NRXN3: variants seen among roughly 807,000 people sequenced by gnomAD.
NRXN3 encodes the protein neurexin 3.
NRXN3 carries 32 observed loss-of-function variants against 137.6 expected under a neutral mutation model. The observed-to-expected ratio is 0.23, with a 90% CI of 0.18 to 0.31. The LOEUF is 0.31. Among genes scored for constraint, NRXN3 ranks in the 10% least tolerant of loss-of-function variants. NRXN3 has a pLI of 1.00. For synonymous variants in NRXN3, 798 were observed against 784.5 expected (o/e 1.02, Z -0.29); for missense variants, 1,574 against 2,062.5 (o/e 0.76, Z 4.59).
chr14:78,690,727 A>G (rs1368279762), intron 6 of NRXN3, among the ~76,000 whole-genome samples: 3 of 152,178 alleles, frequency 2.0e-5, no homozygotes, highest in Non-Finnish European at 4.4e-5. Flanking sequence ...TATCTACACA[A>G]ATTTGAGCTT....
intron 15 of NRXN3, chr14:79,247,212 C>T (rs1327064081): frequency 6.6e-6 from 1 of 152,110 alleles, no homozygotes; most frequent in Non-Finnish European, 1.5e-5. Context: ...CACCACTCCC[C>T]ACCCCCTGCT....
At chr14:78,444,935 A>C (rs1451076211) in intron 4 of NRXN3, among the ~76,000 whole-genome samples, 1 of 151,162 alleles carries the variant, frequency 6.6e-6, no homozygotes, top group Non-Finnish European at 1.5e-5. Flanking sequence ...AAAAAAAAAA[A>C]AAAAAAAAAA....
intron 15 of NRXN3, among the ~76,000 whole-genome samples, chr14:79,155,039 G>T (rs1372252111): frequency 6.6e-6 from 1 of 151,850 alleles, no homozygotes; most frequent in East Asian, 1.9e-4. Context: ...CACTCAAGAG[G>T]TTGTGGCATC....
At chr14:79,006,728 ATATT>A (rs2152369968) in intron 15 of NRXN3, among the ~76,000 whole-genome samples, 1 of 152,232 alleles carries the variant, frequency 6.6e-6, no homozygotes, top group African/African-American at 2.4e-5. Context: ...ATATAATATC[ATATT>A]TATTCTATGA....
intron 10 of NRXN3, among the ~76,000 whole-genome samples, chr14:78,878,193 T>A (rs2099118376): frequency 6.6e-6 from 1 of 152,168 alleles, no homozygotes; most frequent in African/African-American, 2.4e-5. Context: ...ATTGGGCATG[T>A]CGTACTCAGT....
intron 15 of NRXN3, among the ~76,000 whole-genome samples, chr14:79,371,722 T>G (rs1160062990): frequency 6.6e-6 from 1 of 152,120 alleles, no homozygotes; most frequent in Non-Finnish European, 1.5e-5. Flanking sequence ...TGGATGGCAG[T>G]GAACGTATAC....
At chr14:78,511,933 A>G (rs1446454798) in intron 4 of NRXN3, among the ~76,000 whole-genome samples, 50 of 152,324 alleles carry the variant, frequency 3.3e-4, no homozygotes, top group Non-Finnish European at 4.4e-5. Context: ...TCTACCACTT[A>G]AGAGCTGAAC....
intron 15 of NRXN3, among the ~76,000 whole-genome samples, chr14:79,081,771 C>A (rs993038971): frequency 1.3e-5 from 2 of 151,866 alleles, no homozygotes. Flanking sequence ...AAGAAGACAC[C>A]CATTTTCCTC....
chr14:79,532,175 C>T (rs746749288), intron 16 of NRXN3, among the ~76,000 whole-genome samples: 1 of 152,148 alleles, frequency 6.6e-6, no homozygotes, highest in Non-Finnish European at 1.5e-5. Flanking sequence ...TGCCAACCCA[C>T]ATTAGCATTT....
intron 4 of NRXN3, among the ~76,000 whole-genome samples, chr14:78,345,969 G>A (rs1275685098): frequency 2.0e-5 from 3 of 152,182 alleles, no homozygotes; most frequent in Non-Finnish European, 2.9e-5. Context: ...AGGGACTTCT[G>A]AGAAGATGGG....
intron 16 of NRXN3, among the ~76,000 whole-genome samples, chr14:79,484,818 G>T (rs1435307083): frequency 2.6e-5 from 4 of 152,136 alleles, no homozygotes; most frequent in Non-Finnish European, 5.9e-5. Flanking sequence ...GAATATATTT[G>T]CCTGCTCAGA....
chr14:78,233,967 G>A (rs1255079728), intron 1 of NRXN3, among the ~76,000 whole-genome samples: 1 of 152,188 alleles, frequency 6.6e-6, no homozygotes, highest in Non-Finnish European at 1.5e-5. Flanking sequence ...CACATGTCAT[G>A]GGAGGGACCT....
intron 15 of NRXN3, among the ~76,000 whole-genome samples, chr14:79,257,719 G>C (rs913169963): frequency 2.0e-5 from 3 of 151,120 alleles, no homozygotes; most frequent in Non-Finnish European, 4.4e-5. Flanking sequence ...TTAGACCAGA[G>C]GGAAAAAAAT....
intron 3 of NRXN3, among the ~76,000 whole-genome samples, chr14:78,286,217 A>G (rs1204051246): frequency 6.6e-6 from 1 of 152,134 alleles, no homozygotes; most frequent in Non-Finnish European, 1.5e-5. Context: ...GGAGGTGTTT[A>G]TTTGTTGCTC....
intron 15 of NRXN3, among the ~76,000 whole-genome samples, chr14:79,001,177 A>C (rs2099540680): frequency 6.6e-6 from 1 of 152,136 alleles, no homozygotes; most frequent in South Asian, 2.1e-4. Flanking sequence ...GTTGCTTTGA[A>C]ACCACTGAAG....
intron 8 of NRXN3, among the ~76,000 whole-genome samples, chr14:78,784,673 C>T (rs1408190822): frequency 6.6e-6 from 1 of 152,028 alleles, no homozygotes; most frequent in Non-Finnish European, 1.5e-5. Context: ...TGTGGAGAAC[C>T]CACTATTGAG....
chr14:78,914,184 G>A (rs2099248761), intron 10 of NRXN3, among the ~76,000 whole-genome samples: 1 of 152,182 alleles, frequency 6.6e-6, no homozygotes, highest in Non-Finnish European at 1.5e-5. Flanking sequence ...TCTCCTGTGT[G>A]TGCATGGATT....
chr14:78,290,612 C>A (rs2075708727), intron 3 of NRXN3, among the ~76,000 whole-genome samples: 1 of 152,158 alleles, frequency 6.6e-6, no homozygotes, highest in Non-Finnish European at 1.5e-5. Flanking sequence ...GCACTCTAGC[C>A]TGGGCAACAG....
intron 1 of NRXN3, among the ~76,000 whole-genome samples, chr14:78,220,594 A>G (rs1055366494): frequency 6.6e-6 from 1 of 152,144 alleles, no homozygotes; most frequent in Admixed American, 6.5e-5. Flanking sequence ...TACAGAGAAT[A>G]TCTTCAAGGC....
Sources: gnomAD v4.1 joint callset for allele counts (sites outside exome capture counted in the v4.1 genomes callset) on GRCh38, gnomAD v4.1.1 for gene constraint, MANE v1.5 for transcripts, NCBI Gene and HGNC (gene_info 2026-07-23, HGNC 2026-07-21) for gene names.